Variants in DPP10 observed in about 807,000 individuals in gnomAD.
The protein encoded by DPP10 is inactive dipeptidyl peptidase 10.
DPP10 carries 33 observed loss-of-function variants against 120.9 expected under a neutral mutation model. The ratio of observed to expected loss-of-function variants is 0.27; its 90% CI spans 0.21 to 0.37. The LOEUF is 0.37. DPP10 is among the 10% of genes least tolerant of loss of function. DPP10 has a pLI of 1.00. For missense variants in DPP10, 816 were observed against 942.8 expected (o/e 0.87, Z 1.76); for synonymous variants, 337 against 326.1 (o/e 1.03, Z -0.36).
chr2:114,789,152 G>A (rs1252007871), intron 1 of DPP10, among the ~76,000 whole-genome samples: 1 of 111,456 alleles, frequency 9.0e-6, no homozygotes, highest in African/African-American at 3.8e-5. Context: ...AGACATCTGG[G>A]TTAAGCGCCA....
rs142240691 is a variant in DPP10 at position 114,659,446 on chromosome 2, A to G, written c.60+216608A>G. ...GCACATTGCCTCATGCATTGGAGAC[A>G]GAGCATTATTTCTGACTTTAAAAAA... On this transcript the variant is annotated intron_variant, in intron 1 of 25. Coordinates refer to ENST00000410059, the MANE Select transcript of DPP10 (RefSeq NM_020868.6). 1.8e-3 allele frequency among the ~76,000 whole-genome samples: 277 copies of G among 152,306 alleles called. 1 individual carries two copies. The highest frequency in any genetic ancestry group is 6.4e-3 in the African/African-American group (267 of 41,572).
intron 1 of DPP10, among the ~76,000 whole-genome samples, chr2:114,797,843 CGTT>C (rs1331750867): frequency 6.6e-6 from 1 of 152,052 alleles, no homozygotes; most frequent in Admixed American, 6.6e-5. Context: ...CTTAGTGACT[CGTT>C]GTCAAAGAAT....
chr2:114,738,721 G>A (rs544935638), intron 1 of DPP10, among the ~76,000 whole-genome samples: 5 of 152,270 alleles, frequency 3.3e-5, no homozygotes, highest in Non-Finnish European at 5.9e-5. Flanking sequence ...TGGAAAAGGA[G>A]AATAGTAACT....
chr2:115,583,464 G>A (rs896152330), intron 5 of DPP10, among the ~76,000 whole-genome samples: 1 of 152,156 alleles, frequency 6.6e-6, no homozygotes, highest in African/African-American at 2.4e-5. Context: ...GAAAGGATAG[G>A]ACCCTCGAGT....
chr2:114,842,460 G>T (rs1251982864), intron 1 of DPP10, among the ~76,000 whole-genome samples: 2 of 152,046 alleles, frequency 1.3e-5, no homozygotes, highest in Non-Finnish European at 2.9e-5. Context: ...AGGACGAGAA[G>T]AAAGAGACCC....
chr2:115,803,162 A>G (rs1685476212), intron 19 of DPP10, among the ~76,000 whole-genome samples: 1 of 152,180 alleles, frequency 6.6e-6, no homozygotes, highest in South Asian at 2.1e-4. Context: ...TTCTTGTTGA[A>G]TTGATCCCTT....
chr2:115,320,841 T>C (rs1183095285), intron 2 of DPP10, among the ~76,000 whole-genome samples: 11 of 152,198 alleles, frequency 7.2e-5, no homozygotes, highest in African/African-American at 1.7e-4. Flanking sequence ...AATTATTGCC[T>C]ATATTTTTCC....
chr2:115,044,470 C>T lies in DPP10; in HGVS notation c.61-264769C>T, dbSNP rs146066425. 9.2e-3 allele frequency among the ~76,000 whole-genome samples: 1,392 copies of T among 152,040 alleles called. 27 individuals are homozygous for T. Among genetic ancestry groups the T allele is most frequent in the African/African-American group, 0.032 (1,324 of 41,462 alleles). ...TGTTGGTGTGCTGCACCCACTAACT[C>T]GTCATTTAACATTAGGTATATCACC... On this transcript the variant is annotated intron_variant, in intron 1 of 25. Coordinates refer to ENST00000410059, the MANE Select transcript of DPP10 (RefSeq NM_020868.6).
In DPP10 at chr2:115,020,142, A is replaced by G. The variant is rs556107905; in HGVS notation, c.61-289097A>G. ...TCAGACAACAAACAGCACAATGAAT[A>G]GAATAGTACCACACATCTCAATACT... On this transcript the variant is annotated intron_variant, in intron 1 of 25. Coordinates refer to ENST00000410059, the MANE Select transcript of DPP10 (RefSeq NM_020868.6). Among the ~76,000 whole-genome samples, 27 of 152,338 alleles carry G rather than the reference A, an allele frequency of 1.8e-4. 1 individual carries two copies. In the South Asian group the frequency reaches 5.6e-3, roughly 32 times the overall value.
intron 5 of DPP10, among the ~76,000 whole-genome samples, chr2:115,676,117 T>C (rs1313930572): frequency 1.3e-5 from 2 of 152,098 alleles, no homozygotes; most frequent in African/African-American, 4.8e-5. Context: ...CAACCAGCAA[T>C]TACATTTACT....
chr2:114,962,150 G>A (rs1215330271), intron 1 of DPP10, among the ~76,000 whole-genome samples: 1 of 151,846 alleles, frequency 6.6e-6, no homozygotes, highest in Non-Finnish European at 1.5e-5. Flanking sequence ...GTAAGTATGT[G>A]GTACTCTTGT....
intron 1 of DPP10, among the ~76,000 whole-genome samples, chr2:115,258,676 G>A (rs1378765237): frequency 6.6e-6 from 1 of 152,160 alleles, no homozygotes; most frequent in Non-Finnish European, 1.5e-5. Context: ...GGGAGGCTGA[G>A]ATGGGAGGAT....
intron 5 of DPP10, among the ~76,000 whole-genome samples, chr2:115,634,235 G>A (rs2086135547): frequency 1.3e-5 from 2 of 152,100 alleles, no homozygotes; most frequent in Non-Finnish European, 2.9e-5. Context: ...GCCTAGTTCT[G>A]TGCTCTTGCT....
At chr2:115,608,880 T>G (rs2083889810) in intron 5 of DPP10, among the ~76,000 whole-genome samples, 1 of 151,716 alleles carries the variant, frequency 6.6e-6, no homozygotes, top group African/African-American at 2.4e-5. Flanking sequence ...TAGACAAAGT[T>G]GAAGACATTG....
intron 7 of DPP10, among the ~76,000 whole-genome samples, chr2:115,710,705 A>T (rs1045348140): frequency 2.6e-5 from 4 of 152,094 alleles, no homozygotes; most frequent in African/African-American, 9.7e-5. Flanking sequence ...CTAGAACATT[A>T]TGAGCTTTTA....
intron 3 of DPP10, among the ~76,000 whole-genome samples, chr2:115,384,401 G>A (rs1433178550): frequency 8.4e-6 from 1 of 119,326 alleles, no homozygotes. Context: ...AGCAGAAGAA[G>A]GAGAAGGAGA....
intron 5 of DPP10, among the ~76,000 whole-genome samples, chr2:115,660,803 A>G (rs1044207921): frequency 6.6e-5 from 10 of 151,888 alleles, no homozygotes; most frequent in Non-Finnish European, 1.5e-5. Context: ...AAAAATACAA[A>G]TATACTTTTT....
At chr2:114,857,975 TTTTG>T (rs1338655237) in intron 1 of DPP10, among the ~76,000 whole-genome samples, 1 of 152,082 alleles carries the variant, frequency 6.6e-6, no homozygotes, top group African/African-American at 2.4e-5. Context: ...CTTGGCATTT[TTTTG>T]TTTGTTTGCT....
At chr2:114,817,605 C>A (rs1685748207) in intron 1 of DPP10, among the ~76,000 whole-genome samples, 1 of 152,132 alleles carries the variant, frequency 6.6e-6, no homozygotes. Flanking sequence ...TTCTATACTT[C>A]CACCCTGCCT....
Sources: allele counts gnomAD v4.1 joint callset (sites outside exome capture counted in the v4.1 genomes callset), GRCh38; gene constraint gnomAD v4.1.1; transcripts MANE v1.5; gene names NCBI Gene and HGNC (gene_info 2026-07-23, HGNC 2026-07-21).